The following GEMIN8 variants were observed in gnomAD, a reference collection of about 807,000 sequenced individuals.
GEMIN8 encodes the protein gem nuclear organelle associated protein 8.
For synonymous variants in GEMIN8, 80 were observed against 78.5 expected, an observed-to-expected ratio of 1.02 and a Z score of -0.10; for missense variants, 185 against 205.9, an observed-to-expected ratio of 0.90 and a Z score of 0.62.
chrX:14,008,810 C>A lies in GEMIN8; in HGVS notation c.*103G>T, dbSNP rs1013300777. 2.3e-4 allele frequency: 189 copies of A among 822,216 alleles called. 1 individual carries two copies. In the African/African-American group the frequency reaches 3.4e-3, roughly 15 times the overall value. 67.8% of individuals were successfully genotyped at this position (822,216 alleles called of 1,213,427 possible). A position where few individuals can be genotyped will look rare whatever the true frequency, so the allele number is the denominator to read the frequency against. On this transcript the variant is annotated 3_prime_UTR_variant, in exon 5 of 5. Coordinates refer to ENST00000680255, the MANE Select transcript of GEMIN8 (RefSeq NM_001042479.2). ...TGGGACTGTGGTGAACATGCCTGTA[C>A]CCCAGTACAAAGTCCCCTTTCCCTA...
chrX:14,005,037 T>C (rs894274843), downstream of GEMIN8, among the ~76,000 whole-genome samples: 5 of 111,520 alleles, frequency 4.5e-5, no homozygotes, highest in East Asian at 1.4e-3. Flanking sequence ...AAAATATATA[T>C]ATTTGGTCTC....
Position 14,008,982 on chromosome X carries a change from C to A in GEMIN8, c.660G>T (p.Gln220His), listed in dbSNP as rs1409409795. The change falls in exon 5 of 5, where the codon CAG (glutamine) becomes CAT (histidine). Residue 220 changes from glutamine to histidine, a missense_variant. Physicochemically the swap from Gln to His is conservative, Grantham distance 24 (BLOSUM62 0). Coordinates refer to ENST00000680255, the MANE Select transcript of GEMIN8 (RefSeq NM_001042479.2). ...AKIQAMEAAV[Q>H]LSFDKHCDRK... ...GGTCACAGTGCTTGTCAAAGCTCAG[C>A]TGCACCGCGGCCTCCATGGCTTGGA... 2.1e-5 allele frequency: 25 copies of A among 1,208,857 alleles called. No individual in the cohort carries two copies. The highest frequency in any genetic ancestry group is 2.8e-5 in the Non-Finnish European group (25 of 893,685).
chrX:14,003,507 C>T (rs1177574611), downstream of GEMIN8, among the ~76,000 whole-genome samples: 1 of 112,381 alleles, frequency 8.9e-6, no homozygotes, highest in African/African-American at 3.2e-5. Flanking sequence ...GGCAGCACAA[C>T]CTGACTTGAC....
intron 1 of GEMIN8, among the ~76,000 whole-genome samples, chrX:14,028,960 C>T (rs1475983492): frequency 2.7e-5 from 3 of 112,058 alleles, no homozygotes; most frequent in Non-Finnish European, 5.6e-5. Flanking sequence ...AATCTTTAGT[C>T]TAGATTTTTT....
the GEMIN8 span, among the ~76,000 whole-genome samples, chrX:13,993,909 C>CT: frequency 9.0e-6 from 1 of 111,513 alleles, no homozygotes; most frequent in African/African-American, 3.3e-5. Flanking sequence ...ATGAGAATCT[C>CT]TGACAGCAGG....
At chrX:14,000,020 G>C in the GEMIN8 span, among the ~76,000 whole-genome samples, 1 of 111,571 alleles carries the variant, frequency 9.0e-6, no homozygotes, top group South Asian at 3.8e-4. Flanking sequence ...ATGGGGGAGA[G>C]AGAGTGAGGC....
the GEMIN8 span, among the ~76,000 whole-genome samples, chrX:14,000,442 A>C: frequency 9.1e-6 from 1 of 110,285 alleles, no homozygotes; most frequent in East Asian, 2.9e-4. Flanking sequence ...TAAAAACACA[A>C]AAAAATTAGC....
chrX:13,989,279 T>G, the GEMIN8 span, among the ~76,000 whole-genome samples: 1 of 110,215 alleles, frequency 9.1e-6, no homozygotes, highest in East Asian at 2.9e-4. Flanking sequence ...ATTTTTTTTT[T>G]TTTGGTAGAG....
chrX:14,021,165 T>C (rs1263555690), intron 3 of GEMIN8, among the ~76,000 whole-genome samples: 8 of 101,874 alleles, frequency 7.9e-5, no homozygotes, highest in Admixed American at 1.1e-4. Flanking sequence ...AAACTCCGCA[T>C]GTTCTCACTC....
At chrX:13,986,074 C>T in the GEMIN8 span, among the ~76,000 whole-genome samples, 1 of 111,941 alleles carries the variant, frequency 8.9e-6, no homozygotes. Context: ...AACAAACAAA[C>T]AAACAACAAC....
the GEMIN8 span, among the ~76,000 whole-genome samples, chrX:13,995,667 C>G: frequency 1.6e-3 from 173 of 110,897 alleles, no homozygotes; most frequent in Non-Finnish European, 2.4e-3. Flanking sequence ...TGCCAGCATT[C>G]CTTGATATAT....
the GEMIN8 span, among the ~76,000 whole-genome samples, chrX:13,995,626 C>T: frequency 2.7e-5 from 3 of 110,979 alleles, no homozygotes; most frequent in Admixed American, 2.9e-4. Context: ...GGGGAGAATC[C>T]GTTTTCTTGA....
chrX:14,009,197 A>C, intron 4 of GEMIN8, 28 bp from the exon 5 acceptor site: 1 of 1,202,946 alleles, frequency 8.3e-7, no homozygotes, highest in Non-Finnish European at 1.1e-6. Flanking sequence ...CGTGAACATG[A>C]ACATAAACAC....
At chrX:13,986,058 C>CT in the GEMIN8 span, among the ~76,000 whole-genome samples, 1 of 111,712 alleles carries the variant, frequency 9.0e-6, no homozygotes, top group African/African-American at 3.3e-5. Flanking sequence ...TTCTACTGTG[C>CT]TAAAAAACAA....
At chrX:13,996,929 TTGTC>T in the GEMIN8 span, among the ~76,000 whole-genome samples, 1 of 96,508 alleles carries the variant, frequency 1.0e-5, no homozygotes, top group Non-Finnish European at 2.0e-5. Flanking sequence ...ATGCTGTGGC[TTGTC>T]TTTTTTTTTT....
At chrX:13,985,531 C>T in the GEMIN8 span, among the ~76,000 whole-genome samples, 5 of 111,936 alleles carry the variant, frequency 4.5e-5, no homozygotes, top group Admixed American at 9.5e-5. Context: ...TATAACCTAA[C>T]AAATTACTGT....
At chrX:14,009,209 C>T (rs770694376) in intron 4 of GEMIN8, 40 bp from the exon 5 acceptor site, 7 of 1,181,143 alleles carry the variant, frequency 5.9e-6, no homozygotes, top group South Asian at 5.5e-5. Flanking sequence ...CATAAACACA[C>T]GTGTGTGCAC....
chrX:14,026,434 A>G (rs935938952), intron 1 of GEMIN8: 3 of 737,923 alleles, frequency 4.1e-6, no homozygotes, highest in Non-Finnish European at 4.8e-6. Context: ...CGAGGCCTAT[A>G]GGCAAGGCAG....
At position 14,007,935 on chromosome X, in the gene GEMIN8, T is replaced by C. The variant is rs1176891127; in HGVS notation, c.*978A>G. 1.8e-5 allele frequency among the ~76,000 whole-genome samples: 2 copies of C among 111,611 alleles called. No individual in the cohort carries two copies. The highest frequency in any genetic ancestry group is 6.5e-5 in the African/African-American group (2 of 30,636). ...CAGGTGATTTTCATTCCATGAGAGGTGCAGTTGGCAAACTACCATCTGTAG... is the reference window on the plus strand; with the variant it reads ...CAGGTGATTTTCATTCCATGAGAGGCGCAGTTGGCAAACTACCATCTGTAG... On this transcript the variant is annotated 3_prime_UTR_variant, in exon 5 of 5. Transcript: ENST00000680255.
Sources: allele counts gnomAD v4.1 joint callset (sites outside exome capture counted in the v4.1 genomes callset), GRCh38; gene constraint gnomAD v4.1.1; transcripts MANE v1.5; gene names NCBI Gene and HGNC (gene_info 2026-07-23, HGNC 2026-07-21).